KIAA1217: variants seen among roughly 807,000 people sequenced by gnomAD.
KIAA1217 encodes the protein sickle tail protein homolog.
A neutral mutation model predicts 163.9 loss-of-function variants in KIAA1217; 88 were observed. The ratio of observed to expected loss-of-function variants is 0.54; its 90% confidence interval spans 0.45 to 0.64. The LOEUF (loss-of-function observed/expected upper bound fraction) is 0.64, where lower values mean the gene tolerates loss of function less well. Ranked by LOEUF, KIAA1217 falls within the 30% of genes least tolerant of loss-of-function variation. The pLI is 0.00. For missense variants in KIAA1217, 2,372 were observed against 2,475.0 expected (o/e 0.96, Z 0.88); for synonymous variants, 903 against 923.1 (o/e 0.98, Z 0.39).
At chr10:23,781,786 T>C (rs75248682) in intron 1 of KIAA1217, among the ~76,000 whole-genome samples, 1,860 of 152,264 alleles carry the variant, frequency 0.012, 33 homozygotes, top group African/African-American at 0.043. Flanking sequence ...CTTTCGTATA[T>C]AGATATTTAG....
At chr10:24,263,467 C>A (rs1369557027) in intron 2 of KIAA1217, among the ~76,000 whole-genome samples, 2 of 152,162 alleles carry the variant, frequency 1.3e-5, no homozygotes, top group African/African-American at 4.8e-5. Flanking sequence ...CAGGACAGAA[C>A]GGCATGAATG....
At chr10:23,874,080 G>A (rs960188540) in intron 1 of KIAA1217, among the ~76,000 whole-genome samples, 4 of 151,974 alleles carry the variant, frequency 2.6e-5, no homozygotes, top group Non-Finnish European at 4.4e-5. Context: ...TATCATTTCT[G>A]TAGTTCACCC....
intron 1 of KIAA1217, among the ~76,000 whole-genome samples, chr10:24,214,432 C>A (rs1357856613): frequency 6.6e-6 from 1 of 152,184 alleles, no homozygotes; most frequent in South Asian, 2.1e-4. Context: ...TCTGCTGGAT[C>A]CTTTGTATTC....
chr10:23,930,819 T>C (rs1169355054), intron 1 of KIAA1217, among the ~76,000 whole-genome samples: 1 of 152,208 alleles, frequency 6.6e-6, no homozygotes, highest in East Asian at 1.9e-4. Context: ...CTGGATTTCC[T>C]GCCCTTAACA....
At chr10:24,283,322 A>T (rs2078172874) in intron 2 of KIAA1217, among the ~76,000 whole-genome samples, 1 of 152,186 alleles carries the variant, frequency 6.6e-6, no homozygotes, top group African/African-American at 2.4e-5. Context: ...TATGCATTTA[A>T]GATTCGTCCA....
At chr10:24,202,331 G>A (rs2067306509) in intron 2 of KIAA1217, among the ~76,000 whole-genome samples, 1 of 152,192 alleles carries the variant, frequency 6.6e-6, no homozygotes, top group Admixed American at 6.5e-5. Context: ...GCCCTGGGAG[G>A]GAAGGTGAGG....
At chr10:24,103,089 GC>G (rs925684185) in intron 2 of KIAA1217, among the ~76,000 whole-genome samples, 2 of 152,124 alleles carry the variant, frequency 1.3e-5, no homozygotes, top group African/African-American at 4.8e-5. Context: ...AATCAATGAA[GC>G]CTCTTTCCTT....
intron 2 of KIAA1217, among the ~76,000 whole-genome samples, chr10:24,284,429 T>G (rs2078319505): frequency 6.6e-6 from 1 of 152,174 alleles, no homozygotes; most frequent in African/African-American, 2.4e-5. Context: ...GTTCCCATAT[T>G]TATGTCCGTG....
At chr10:24,174,743 TG>T (rs1215872741) in intron 2 of KIAA1217, among the ~76,000 whole-genome samples, 1 of 152,192 alleles carries the variant, frequency 6.6e-6, no homozygotes, top group Non-Finnish European at 1.5e-5. Flanking sequence ...CAATAGGTTG[TG>T]GGGGAGCAGG....
chr10:24,187,486 A>G (rs1040718758), intron 2 of KIAA1217, among the ~76,000 whole-genome samples: 2 of 152,360 alleles, frequency 1.3e-5, no homozygotes, highest in South Asian at 2.1e-4. Flanking sequence ...ATAAAACATC[A>G]TAACTATCAG....
Position 24,545,944 on chromosome 10 carries a change from T to C in KIAA1217, c.5452T>C (p.Ser1818Pro), listed in dbSNP as rs750845049. 1 of 1,614,118 alleles carries C rather than the reference T, an allele frequency of 6.2e-7. No individual in the cohort carries two copies. Among genetic ancestry groups the C allele is most frequent in the South Asian group, 1.1e-5 (1 of 91,072 alleles). The change falls in exon 21 of 21, where the codon TCT becomes CCT. Residue 1818 changes from serine (S) to proline (P), a missense_variant. By Grantham distance (74) the Ser-to-Pro change is moderately conservative. This residue lies in a region of KIAA1217 where 690 missense variants were observed against 677.5 expected (regional missense o/e 1.02). Coordinates refer to ENST00000376454, the MANE Select transcript of KIAA1217 (RefSeq NM_019590.5). ...TGGGAAAAGCAGTTCTCTGCCCTCTTCTAGTGGTGACAGCTCTAACCTCCC... is the reference window on the plus strand; with the variant it reads ...TGGGAAAAGCAGTTCTCTGCCCTCTCCTAGTGGTGACAGCTCTAACCTCCC... ...SSGKSSSLPS[S>P]SGDSSNLPNP... is the part of the protein sequence containing the mutation.
chr10:24,411,900 T>C (rs1343449936), intron 3 of KIAA1217, among the ~76,000 whole-genome samples: 1 of 152,120 alleles, frequency 6.6e-6, no homozygotes, highest in African/African-American at 2.4e-5. Context: ...AGGAAATCGC[T>C]AATGGGAATT....
At chr10:24,120,355 G>A (rs958680394) in intron 2 of KIAA1217, among the ~76,000 whole-genome samples, 11 of 152,170 alleles carry the variant, frequency 7.2e-5, no homozygotes, top group Admixed American at 2.0e-4. Flanking sequence ...AGACGGGGAG[G>A]GGAATCTGAG....
chr10:24,434,852 A>C (rs760789682), intron 4 of KIAA1217, among the ~76,000 whole-genome samples: 8 of 152,250 alleles, frequency 5.3e-5, no homozygotes, highest in Non-Finnish European at 1.0e-4. Flanking sequence ...ATAAAATTTG[A>C]GGGACTTATT....
At chr10:24,386,857 G>A (rs765740540) in intron 3 of KIAA1217, among the ~76,000 whole-genome samples, 20 of 152,334 alleles carry the variant, frequency 1.3e-4, no homozygotes, top group Middle Eastern at 3.4e-3. Context: ...GGGATTACAG[G>A]CATGGGCCAC....
At chr10:24,297,035 A>C (rs531240461) in intron 2 of KIAA1217, among the ~76,000 whole-genome samples, 2 of 152,346 alleles carry the variant, frequency 1.3e-5, no homozygotes, top group African/African-American at 4.8e-5. Context: ...TGGGATTTTC[A>C]AAATGCAAAA....
At chr10:24,081,764 T>C (rs2061545267) in intron 2 of KIAA1217, among the ~76,000 whole-genome samples, 1 of 152,202 alleles carries the variant, frequency 6.6e-6, no homozygotes, top group Admixed American at 6.5e-5. Context: ...TAAATTTGTG[T>C]TGGGCTGCAT....
chr10:24,196,015 G>A (rs908750877), intron 2 of KIAA1217, among the ~76,000 whole-genome samples: 1 of 151,746 alleles, frequency 6.6e-6, no homozygotes, highest in Non-Finnish European at 1.5e-5. Context: ...TGCACCTGTA[G>A]TTCCAGCTAG....
intron 2 of KIAA1217, among the ~76,000 whole-genome samples, chr10:24,376,115 A>C (rs2052452271): frequency 6.6e-6 from 1 of 152,258 alleles, no homozygotes; most frequent in South Asian, 2.1e-4. Context: ...AAATGAAATC[A>C]TGACCGTCTT....
Sources: gnomAD v4.1 joint callset for allele counts (sites outside exome capture counted in the v4.1 genomes callset) on GRCh38, gnomAD v4.1.1 for gene constraint, gnomAD v4.1.1 regional missense constraint, MANE v1.5 for transcripts, NCBI Gene and HGNC (gene_info 2026-07-23, HGNC 2026-07-21) for gene names.